ZCWPW2: variants seen among roughly 807,000 people sequenced by gnomAD.
ZCWPW2 encodes zinc finger CW-type PWWP domain protein 2.
Under a neutral mutation model 46.6 loss-of-function variants are expected in ZCWPW2, and 45 were observed. The observed-to-expected ratio is 0.96, with a 90% CI of 0.76 to 1.24. ZCWPW2 has a LOEUF of 1.24. Ranked by LOEUF, ZCWPW2 falls within the 50% of genes most tolerant of loss-of-function variation. The pLI, the probability that ZCWPW2 is intolerant of heterozygous loss-of-function variation, is 0.00. For missense variants in ZCWPW2, 429 were observed against 403.9 expected, an observed-to-expected ratio of 1.06 and a Z score of -0.53; for synonymous variants, 152 against 137.1, an observed-to-expected ratio of 1.11 and a Z score of -0.76.
intron 1 of ZCWPW2, among the ~76,000 whole-genome samples, chr3:28,359,440 T>C (rs1258807828): frequency 6.6e-6 from 1 of 152,068 alleles, no homozygotes; most frequent in African/African-American, 2.4e-5. Context: ...TAGAGCTAAC[T>C]TACTTGACAA....
At chr3:28,386,512 A>G (rs1312517756) in intron 1 of ZCWPW2, among the ~76,000 whole-genome samples, 3 of 152,262 alleles carry the variant, frequency 2.0e-5, no homozygotes, top group South Asian at 2.1e-4. Context: ...TCTCTTATAC[A>G]TCATTTTGTA....
intron 4 of ZCWPW2, among the ~76,000 whole-genome samples, chr3:28,451,611 T>A (rs1698227720): frequency 1.3e-5 from 2 of 152,240 alleles, no homozygotes. Flanking sequence ...AGAATTCTTA[T>A]TTTCAAATTC....
chr3:28,433,502 C>T (rs1435580675), intron 3 of ZCWPW2, among the ~76,000 whole-genome samples: 4 of 152,168 alleles, frequency 2.6e-5, no homozygotes, highest in African/African-American at 9.7e-5. Flanking sequence ...TGCAGTGGCT[C>T]ATGCCTGTAA....
intron 5 of ZCWPW2, among the ~76,000 whole-genome samples, chr3:28,483,206 G>A (rs1699489487): frequency 1.3e-5 from 2 of 152,062 alleles, no homozygotes; most frequent in South Asian, 4.1e-4. Flanking sequence ...TTGTGTGTGT[G>A]GATGTCCAGT....
chr3:28,502,368 A>T (rs1318626661), intron 6 of ZCWPW2, among the ~76,000 whole-genome samples: 1 of 152,082 alleles, frequency 6.6e-6, no homozygotes, highest in Non-Finnish European at 1.5e-5. Context: ...AGATTATTGT[A>T]TTTGCTCCTT....
At chr3:28,478,652 C>T (rs1396563624) in intron 4 of ZCWPW2, among the ~76,000 whole-genome samples, 162 bp from the exon 5 acceptor site, 2 of 151,756 alleles carry the variant, frequency 1.3e-5, no homozygotes, top group African/African-American at 4.8e-5. Flanking sequence ...CACAATTTTG[C>T]CGAATTCTAA....
At chr3:28,404,397 G>C (rs1696074690) in intron 2 of ZCWPW2, among the ~76,000 whole-genome samples, 2 of 151,806 alleles carry the variant, frequency 1.3e-5, no homozygotes, top group African/African-American at 4.8e-5. Context: ...TGGATGCGGT[G>C]AACAGGGAAC....
intron 4 of ZCWPW2, among the ~76,000 whole-genome samples, chr3:28,452,910 A>C (rs950596006): frequency 2.6e-5 from 4 of 152,176 alleles, no homozygotes; most frequent in African/African-American, 9.7e-5. Flanking sequence ...GTCTTTATCA[A>C]CAAACACAAT....
intron 7 of ZCWPW2, among the ~76,000 whole-genome samples, chr3:28,514,976 T>G (rs533524743): frequency 5.5e-4 from 83 of 152,176 alleles, no homozygotes; most frequent in Non-Finnish European, 1.0e-3. Context: ...CCTTATTTCA[T>G]TACACTTCAC....
intron 1 of ZCWPW2, among the ~76,000 whole-genome samples, chr3:28,358,955 T>C (rs1012458231): frequency 2.6e-5 from 4 of 152,114 alleles, no homozygotes; most frequent in African/African-American, 9.6e-5. Flanking sequence ...CAAATAGCTG[T>C]GCTAGATAAC....
chr3:28,492,588 T>A (rs1699847578), intron 6 of ZCWPW2, among the ~76,000 whole-genome samples: 1 of 152,118 alleles, frequency 6.6e-6, no homozygotes, highest in South Asian at 2.1e-4. Context: ...ATATCAGCCA[T>A]CTTAATGAAT....
At chr3:28,357,278 A>G (rs190665773) in intron 1 of ZCWPW2, among the ~76,000 whole-genome samples, 32 of 152,318 alleles carry the variant, frequency 2.1e-4, no homozygotes, top group African/African-American at 7.5e-4. Flanking sequence ...ACATTTTTCA[A>G]ATACGTTGTG....
chr3:28,421,250 A>T (rs73825155), intron 3 of ZCWPW2, among the ~76,000 whole-genome samples: 3,982 of 152,078 alleles, frequency 0.026, 151 homozygotes, highest in African/African-American at 0.085. Flanking sequence ...GGGTAGGATG[A>T]CCTTTTTATT....
intron 2 of ZCWPW2, among the ~76,000 whole-genome samples, chr3:28,394,661 G>T (rs967207490): frequency 1.3e-5 from 2 of 152,072 alleles, no homozygotes; most frequent in African/African-American, 4.8e-5. Context: ...ATGGGGACAA[G>T]AATAGTGTCT....
intron 4 of ZCWPW2, among the ~76,000 whole-genome samples, chr3:28,443,252 G>T (rs1358371382): frequency 1.3e-5 from 2 of 152,050 alleles, no homozygotes; most frequent in Non-Finnish European, 2.9e-5. Flanking sequence ...ATCATTTCCA[G>T]TGCACAGTTA....
At chr3:28,497,414 T>A (rs1700021447) in intron 6 of ZCWPW2, among the ~76,000 whole-genome samples, 1 of 152,092 alleles carries the variant, frequency 6.6e-6, no homozygotes, top group Non-Finnish European at 1.5e-5. Context: ...AAAGTTTTAT[T>A]GACCAGTCAT....
intron 3 of ZCWPW2, among the ~76,000 whole-genome samples, chr3:28,432,004 G>C (rs1282212005): frequency 6.6e-6 from 1 of 152,086 alleles, no homozygotes; most frequent in African/African-American, 2.4e-5. Flanking sequence ...AAAAGCATCA[G>C]ATCTCATGAG....
chr3:28,469,817 A>G (rs907353814), intron 4 of ZCWPW2, among the ~76,000 whole-genome samples: 2 of 152,130 alleles, frequency 1.3e-5, no homozygotes, highest in Non-Finnish European at 1.5e-5. Context: ...ATAGGTCCCA[A>G]TACAGTAATA....
chr3:28,373,170 G>A (rs1436437008), intron 1 of ZCWPW2, among the ~76,000 whole-genome samples: 1 of 152,138 alleles, frequency 6.6e-6, no homozygotes, highest in Non-Finnish European at 1.5e-5. Flanking sequence ...TTTTGGATAT[G>A]TATCCAGTAG....
Sources: allele counts gnomAD v4.1 joint callset (sites outside exome capture counted in the v4.1 genomes callset), GRCh38; gene constraint gnomAD v4.1.1; transcripts MANE v1.5; gene names NCBI Gene and HGNC (gene_info 2026-07-23, HGNC 2026-07-21).